The following KCNC4 variants were observed in gnomAD, a reference collection of about 807,000 sequenced individuals.
KCNC4 encodes the protein potassium voltage-gated channel subfamily C member 4.
In KCNC4, 23 loss-of-function variants were observed where a neutral mutation model predicts 42.8. The observed-to-expected ratio is 0.54, with a 90% CI of 0.39 to 0.76. The LOEUF (loss-of-function observed/expected upper bound fraction) is 0.76. KCNC4 is among the 30% of genes least tolerant of loss of function. The pLI is 0.00. For synonymous variants in KCNC4, 422 were observed against 393.5 expected, an observed-to-expected ratio of 1.07 and a Z score of -0.86; for missense variants, 751 against 898.2, an observed-to-expected ratio of 0.84 and a Z score of 2.10.
At chr1:110,244,675 C>T (rs1190713075) in exon 4 of KCNC4, 1 of 152,274 alleles carries the variant, frequency 6.6e-6, no homozygotes, top group Non-Finnish European at 1.5e-5. Context: ...TAACTGGAGC[C>T]AAGTGGCCCC....
downstream of KCNC4, among the ~76,000 whole-genome samples, chr1:110,254,015 C>T (rs534028643): frequency 1.3e-5 from 2 of 150,678 alleles, no homozygotes; most frequent in South Asian, 4.2e-4. Flanking sequence ...GATCCTTCCT[C>T]TAGCAGGAAG....
At position 110,212,154 on chromosome 1, in the gene KCNC4, C is replaced by T; in HGVS notation, c.655C>T (p.Pro219Ser). The T allele has an allele frequency of 1.3e-6, 2 of 1,508,568 alleles. No individual in the cohort carries two copies. The highest frequency in any genetic ancestry group is 1.7e-6 in the Non-Finnish European group (2 of 1,145,580). The allele number at this position is 1,508,568 out of a possible 1,614,324, so 93.4% of individuals were successfully genotyped here. The change falls in exon 1 of 4, where the codon CCC (proline) becomes TCC (serine). Residue 219 changes from proline to serine, a missense_variant. Transcript: ENST00000438661. The part of the protein sequence containing the change: ...QPRMWALFED[P>S]YSSRAARVVA... The stretch of plus-strand genomic sequence containing the variant: ...CCGCATGTGGGCGCTCTTCGAGGAT[C>T]CCTACTCCTCCCGGGCCGCTAGGGT...
At chr1:110,277,584 TGA>T (rs1298576210) in intron 1 of KCNC4, among the ~76,000 whole-genome samples, 1 of 152,188 alleles carries the variant, frequency 6.6e-6, no homozygotes, top group African/African-American at 2.4e-5. Context: ...CCATGGGAGC[TGA>T]GAGTGACAGT....
intron 1 of KCNC4, among the ~76,000 whole-genome samples, chr1:110,258,018 G>A (rs1048552737): frequency 3.3e-5 from 5 of 152,106 alleles, no homozygotes; most frequent in Admixed American, 2.0e-4. Context: ...TAATCCTTTC[G>A]CACTTGCCAG....
intron 1 of KCNC4, among the ~76,000 whole-genome samples, chr1:110,268,790 C>A (rs1659592114): frequency 6.8e-6 from 1 of 148,006 alleles, no homozygotes; most frequent in Non-Finnish European, 1.5e-5. Context: ...TGCAGTGGCG[C>A]GATCTCGGCT....
intron 1 of KCNC4, among the ~76,000 whole-genome samples, chr1:110,271,613 A>G (rs1659636770): frequency 6.6e-6 from 1 of 152,216 alleles, no homozygotes; most frequent in African/African-American, 2.4e-5. Flanking sequence ...TAAGCTTGTG[A>G]GTTCAGTGCC....
intron 1 of KCNC4, among the ~76,000 whole-genome samples, chr1:110,281,059 G>A (rs76771112): frequency 0.024 from 3,565 of 151,018 alleles, 76 homozygotes; most frequent in South Asian, 0.065. Flanking sequence ...CAGGCTCCCT[G>A]TGGTGGTGGT....
chr1:110,260,106 G>C (rs2101075090), intron 1 of KCNC4, among the ~76,000 whole-genome samples: 1 of 152,302 alleles, frequency 6.6e-6, no homozygotes, highest in Non-Finnish European at 1.5e-5. Context: ...ACCATGGATT[G>C]TTTTTACTCC....
intron 1 of KCNC4, among the ~76,000 whole-genome samples, chr1:110,281,522 T>C (rs1659823169): frequency 6.7e-6 from 1 of 150,084 alleles, no homozygotes; most frequent in Non-Finnish European, 1.5e-5. Context: ...AGAGGAGCTG[T>C]GCTTTCTTTA....
At chr1:110,218,414 T>G (rs1312918336) in intron 1 of KCNC4, among the ~76,000 whole-genome samples, 1 of 152,160 alleles carries the variant, frequency 6.6e-6, no homozygotes, top group Non-Finnish European at 1.5e-5. Flanking sequence ...GCTGTTCAGG[T>G]GTCACCTTGT....
At chr1:110,215,316 C>T (rs956419420) in intron 1 of KCNC4, among the ~76,000 whole-genome samples, 7 of 152,194 alleles carry the variant, frequency 4.6e-5, no homozygotes, top group African/African-American at 1.4e-4. Context: ...TTTCTGTGGC[C>T]TGAGCTGGGA....
At position 110,232,932 on chromosome 1, in the gene KCNC4, C is replaced by G. The variant is rs554444279; in HGVS notation, c.1841C>G (p.Ser614Trp). The G allele has an allele frequency of 1.2e-5, 20 of 1,612,016 alleles. No homozygotes were observed. Among genetic ancestry groups the G allele is most frequent in the Non-Finnish European group, 1.4e-5 (16 of 1,179,212 alleles). ...VRKETCQDAL[S>W]SNYAQAEVLT... ...ACAGAGACCTGCCAAGACGCCCTCTCGTCCAACTATGCCCAGGCTGAAGTC... is the reference window on the plus strand; with the variant it reads ...ACAGAGACCTGCCAAGACGCCCTCTGGTCCAACTATGCCCAGGCTGAAGTC... The change falls in exon 4 of 4, where the codon TCG becomes TGG. Residue 614 changes from serine (S) to tryptophan (W), a missense_variant. Transcript: ENST00000438661.
At chr1:110,270,350 G>T (rs901886040) in intron 1 of KCNC4, among the ~76,000 whole-genome samples, 1 of 152,318 alleles carries the variant, frequency 6.6e-6, no homozygotes, top group East Asian at 1.9e-4. Context: ...CAGGGAACAA[G>T]CTACTGGAAA....
At chr1:110,269,004 C>A (rs1659596347) in intron 1 of KCNC4, among the ~76,000 whole-genome samples, 1 of 152,146 alleles carries the variant, frequency 6.6e-6, no homozygotes, top group Admixed American at 6.5e-5. Context: ...GCGTGAGCCA[C>A]CGCGCCCGGC....
chr1:110,245,016 C>G (rs1659114514), exon 4 of KCNC4: 1 of 152,230 alleles, frequency 6.6e-6, no homozygotes, highest in African/African-American at 2.4e-5. Flanking sequence ...TTCCTCTCTC[C>G]CTTCTTTTCT....
chr1:110,214,578 T>C (rs1657675887), intron 1 of KCNC4, among the ~76,000 whole-genome samples: 1 of 152,190 alleles, frequency 6.6e-6, no homozygotes, highest in Non-Finnish European at 1.5e-5. Flanking sequence ...ACCCGGTGAT[T>C]ATCCCCGTTT....
downstream of KCNC4, among the ~76,000 whole-genome samples, chr1:110,251,431 G>A (rs956597584): frequency 5.8e-4 from 88 of 152,088 alleles, no homozygotes; most frequent in African/African-American, 1.9e-3. Context: ...CTTGCCTGCC[G>A]CCATGTAAGA....
chr1:110,265,255 C>T (rs1488576723), intron 1 of KCNC4, among the ~76,000 whole-genome samples: 1 of 151,860 alleles, frequency 6.6e-6, no homozygotes, highest in Non-Finnish European at 1.5e-5. Context: ...CAGGTTCTTC[C>T]TAGGCTAGAA....
chr1:110,274,565 A>C (rs1206837807), intron 1 of KCNC4, among the ~76,000 whole-genome samples: 1 of 152,240 alleles, frequency 6.6e-6, no homozygotes, highest in Non-Finnish European at 1.5e-5. Context: ...AGCAATCCTA[A>C]GCAAAAATAG....
Sources: gnomAD v4.1 joint callset for allele counts (sites outside exome capture counted in the v4.1 genomes callset) on GRCh38, gnomAD v4.1.1 for gene constraint, MANE v1.5 for transcripts, NCBI Gene and HGNC (gene_info 2026-07-23, HGNC 2026-07-21) for gene names.